STPG2: variants seen among roughly 807,000 people sequenced by gnomAD.
STPG2 encodes the protein sperm-tail PG-rich repeat-containing protein 2.
A neutral mutation model predicts 54.2 loss-of-function variants in STPG2; 56 were observed. The ratio of observed to expected loss-of-function variants is 1.03; its 90% CI spans 0.83 to 1.29. The LOEUF is 1.29. Among genes scored for constraint, STPG2 ranks in the 50% most tolerant of loss-of-function variants. STPG2 has a pLI of 0.00. For synonymous variants in STPG2, 200 were observed against 181.8 expected (o/e 1.10, Z -0.81); for missense variants, 596 against 544.9 (o/e 1.09, Z -0.93).
chr4:97,579,141 T>G (rs1732798994), intron 10 of STPG2, among the ~76,000 whole-genome samples: 1 of 152,100 alleles, frequency 6.6e-6, no homozygotes, highest in Non-Finnish European at 1.5e-5. Flanking sequence ...TGCATGAATT[T>G]TTAGTAAGTT....
chr4:97,899,283 A>G (rs923975477), intron 8 of STPG2, among the ~76,000 whole-genome samples: 1 of 151,850 alleles, frequency 6.6e-6, no homozygotes, highest in Non-Finnish European at 1.5e-5. Flanking sequence ...AAATATCTCT[A>G]CAATGAGAGT....
At chr4:97,443,063 A>C (rs1729129921) in intron 4 of STPG2, among the ~76,000 whole-genome samples, 1 of 152,120 alleles carries the variant, frequency 6.6e-6, no homozygotes, top group Admixed American at 6.5e-5. Flanking sequence ...AAATCTATAG[A>C]ATTTATTTCG....
At chr4:97,578,208 G>A (rs912380554) in intron 10 of STPG2, among the ~76,000 whole-genome samples, 5 of 150,140 alleles carry the variant, frequency 3.3e-5, no homozygotes, top group African/African-American at 1.2e-4. Flanking sequence ...AGGCTCAAGC[G>A]ATTGTCCCAC....
chr4:98,028,993 C>T (rs1047995496), intron 5 of STPG2, among the ~76,000 whole-genome samples: 13 of 151,952 alleles, frequency 8.6e-5, no homozygotes, highest in Non-Finnish European at 1.6e-4. Context: ...TAATAATTTT[C>T]CAGACATTTT....
At chr4:98,044,889 C>T (rs1737075678) in intron 5 of STPG2, among the ~76,000 whole-genome samples, 1 of 152,104 alleles carries the variant, frequency 6.6e-6, no homozygotes, top group Non-Finnish European at 1.5e-5. Flanking sequence ...AAGGCTGAGG[C>T]TTGGCCATCT....
At chr4:97,989,501 TAAC>T (rs1432248288) in intron 5 of STPG2, among the ~76,000 whole-genome samples, 1 of 152,164 alleles carries the variant, frequency 6.6e-6, no homozygotes, top group Non-Finnish European at 1.5e-5. Context: ...GAAAGATTAA[TAAC>T]AATAATTAAT....
At chr4:97,511,720 G>A (rs930795391) in intron 4 of STPG2, among the ~76,000 whole-genome samples, 7 of 151,822 alleles carry the variant, frequency 4.6e-5, no homozygotes, top group East Asian at 1.9e-4. Flanking sequence ...CTTGAGGATC[G>A]CTTACCATAC....
At chr4:97,441,261 G>A (rs928012968) in intron 4 of STPG2, 3 of 151,982 alleles carry the variant, frequency 2.0e-5, no homozygotes, top group Admixed American at 1.3e-4. Flanking sequence ...TTCATCAGAT[G>A]TCTTTATTCA....
chr4:97,800,456 C>CT (rs1308776577), intron 9 of STPG2, among the ~76,000 whole-genome samples: 1 of 152,212 alleles, frequency 6.6e-6, no homozygotes, highest in Non-Finnish European at 1.5e-5. Flanking sequence ...ACTCCAGACC[C>CT]TTTTTATCTG....
chr4:97,967,380 C>A (rs1734143409), intron 7 of STPG2, among the ~76,000 whole-genome samples: 1 of 151,374 alleles, frequency 6.6e-6, no homozygotes, highest in African/African-American at 2.4e-5. Context: ...CCTTAGAGAC[C>A]TACATTAGAC....
At chr4:97,492,626 G>C (rs1377473038) in intron 4 of STPG2, among the ~76,000 whole-genome samples, 2 of 148,888 alleles carry the variant, frequency 1.3e-5, no homozygotes, top group South Asian at 4.2e-4. Flanking sequence ...TCAGTTGAAT[G>C]CTCATTCAAT....
intron 10 of STPG2, among the ~76,000 whole-genome samples, chr4:97,675,985 T>G (rs949993388): frequency 6.8e-6 from 1 of 146,344 alleles, no homozygotes; most frequent in Non-Finnish European, 1.5e-5. Flanking sequence ...ATATACTATA[T>G]ATATAAAACA....
chr4:97,515,430 T>C (rs1731055337), intron 4 of STPG2, among the ~76,000 whole-genome samples: 1 of 152,058 alleles, frequency 6.6e-6, no homozygotes, highest in Non-Finnish European at 1.5e-5. Flanking sequence ...TATGTACATG[T>C]GTTTGTGGGT....
chr4:98,069,542 T>G (rs1362307999), intron 5 of STPG2, among the ~76,000 whole-genome samples: 1 of 151,900 alleles, frequency 6.6e-6, no homozygotes, highest in African/African-American at 2.4e-5. Context: ...CGGCCCCTCT[T>G]AAGCTAAAAA....
chr4:97,720,028 G>GT (rs1724401427), intron 9 of STPG2, among the ~76,000 whole-genome samples: 1 of 151,874 alleles, frequency 6.6e-6, no homozygotes, highest in South Asian at 2.1e-4. Context: ...TATGAATTCT[G>GT]TTATGTGGAT....
At chr4:97,662,493 C>T (rs939347756) in intron 10 of STPG2, among the ~76,000 whole-genome samples, 4 of 152,148 alleles carry the variant, frequency 2.6e-5, no homozygotes, top group Non-Finnish European at 4.4e-5. Context: ...CCATTCAACC[C>T]AGCAATCTGA....
intron 8 of STPG2, among the ~76,000 whole-genome samples, chr4:97,901,358 A>G (rs1350016381): frequency 6.6e-6 from 1 of 152,024 alleles, no homozygotes; most frequent in Non-Finnish European, 1.5e-5. Context: ...AAAAAAAATA[A>G]TAAAAGGCAT....
At chr4:97,478,308 G>C (rs1172259489) in intron 4 of STPG2, among the ~76,000 whole-genome samples, 2 of 152,092 alleles carry the variant, frequency 1.3e-5, no homozygotes, top group African/African-American at 4.8e-5. Context: ...CGAACTAATA[G>C]AAAGTCATAT....
At chr4:98,026,712 T>G (rs1324241812) in intron 5 of STPG2, among the ~76,000 whole-genome samples, 5 of 152,160 alleles carry the variant, frequency 3.3e-5, no homozygotes, top group African/African-American at 1.2e-4. Flanking sequence ...GAACCATAGC[T>G]ATGCCCTCTC....
Sources: gnomAD v4.1 joint callset for allele counts (sites outside exome capture counted in the v4.1 genomes callset) on GRCh38, gnomAD v4.1.1 for gene constraint, MANE v1.5 for transcripts, NCBI Gene and HGNC (gene_info 2026-07-23, HGNC 2026-07-21) for gene names.